DNMBP: variants seen among roughly 807,000 people sequenced by gnomAD.
DNMBP encodes dynamin-binding protein.
A neutral mutation model predicts 150.0 loss-of-function variants in DNMBP; 87 were observed. The observed-to-expected ratio is 0.58, with a 90% confidence interval of 0.49 to 0.69. The LOEUF (loss-of-function observed/expected upper bound fraction) is 0.69. DNMBP is among the 30% of genes least tolerant of loss of function. The pLI, the probability that DNMBP is intolerant of heterozygous loss-of-function variation, is 0.00. For missense variants in DNMBP, 1,774 were observed against 1,949.0 expected (o/e 0.91, Z 1.69); for synonymous variants, 711 against 750.4 (o/e 0.95, Z 0.86).
intron 1 of DNMBP, among the ~76,000 whole-genome samples, chr10:99,986,682 C>T (rs960840019): frequency 2.1e-5 from 3 of 145,302 alleles, no homozygotes; most frequent in Admixed American, 7.0e-5. Context: ...GGACAACAAA[C>T]GCAAGTGAGC....
At chr10:99,958,619 T>A (rs2040525617) in intron 3 of DNMBP, among the ~76,000 whole-genome samples, 1 of 152,228 alleles carries the variant, frequency 6.6e-6, no homozygotes, top group South Asian at 2.1e-4. Context: ...AAAACTTGTA[T>A]CTACTACCAT....
At position 99,879,743 on chromosome 10, in the gene DNMBP, C is replaced by T. The variant is rs917548759; in HGVS notation, c.4548+68G>A. 12 of 1,582,782 alleles carry T rather than the reference C, an allele frequency of 7.6e-6. No homozygotes were observed. In the South Asian group the frequency reaches 1.2e-4, roughly 16 times the overall value. ...CCTCAGGCAAGCCACTTCTGCCTCA[C>T]CCCCGCTGGTACCCACAACACATCT... On this transcript the variant is annotated intron_variant, in intron 16 of 16. Transcript: ENST00000324109.
At chr10:99,890,473 A>G (rs369856885) in intron 11 of DNMBP, among the ~76,000 whole-genome samples, 8 of 152,204 alleles carry the variant, frequency 5.3e-5, no homozygotes, top group African/African-American at 1.9e-4. Context: ...AAAATGTATC[A>G]GTCACTGCTA....
In DNMBP at chr10:99,880,233, G is replaced by T; in HGVS notation, c.4126C>A (p.Arg1376Ser). 6.2e-7 allele frequency: 1 copy of T among 1,614,162 alleles called. No homozygotes were observed. Among genetic ancestry groups the T allele is most frequent in the Non-Finnish European group, 8.5e-7 (1 of 1,180,018 alleles). Residue 1376 changes from arginine to serine, a missense_variant, in exon 16 of 17, where the codon CGC (arginine) becomes AGC (serine). Physicochemically the swap from Arg to Ser is moderately radical, Grantham distance 110 (BLOSUM62 -1). This residue lies in a region of DNMBP where 1,430 missense variants were observed against 1,492.5 expected (regional missense o/e 0.96). Coordinates refer to ENST00000324109, the MANE Select transcript of DNMBP (RefSeq NM_015221.4). ...GTCAGGGTGCTGCCGCTGTTCTGGC[G>T]TGGGAACCTGGGGGAGGAGCTGCCG... ...EHGSSSPRFP[R>S]QNSGSTLTFN...
intron 3 of DNMBP, among the ~76,000 whole-genome samples, chr10:99,965,113 T>C (rs1191595467): frequency 6.6e-6 from 1 of 152,084 alleles, no homozygotes; most frequent in Non-Finnish European, 1.5e-5. Context: ...TTAAGACTAA[T>C]AAGAATAGCT....
Position 99,915,794 on chromosome 10 carries a change from G to C in DNMBP, c.2261-6648C>G, listed in dbSNP as rs2039959292. ...TAGGTATTTTACAAATATTAATTTAGCTTCAAAACACCCTATTATTGTCCC... is the reference window on the plus strand; with the variant it reads ...TAGGTATTTTACAAATATTAATTTACCTTCAAAACACCCTATTATTGTCCC... On this transcript the variant is annotated intron_variant, in intron 4 of 16. Transcript: ENST00000324109. Among the ~76,000 whole-genome samples, 3 of 152,138 alleles carry C rather than the reference G, an allele frequency of 2.0e-5. No homozygotes were observed. In the South Asian group the frequency reaches 6.2e-4, roughly 31 times the overall value.
Position 99,898,156 on chromosome 10 carries a change from T to C in DNMBP, c.2850A>G (p.Leu950=). ...TPESHPDKVP[L]TNAVLAVKEI... ...CCTTGACCGCAAGGACTGCATTGGT[T>C]AAAGGCACTTTATCTGGGTGGGATT... Residue 950 remains leucine, a synonymous_variant, in exon 9 of 17, where the codon TTA becomes TTG. Coordinates refer to ENST00000324109, the MANE Select transcript of DNMBP (RefSeq NM_015221.4). The C allele has an allele frequency of 6.2e-7, 1 of 1,614,194 alleles. No homozygotes were observed. Among genetic ancestry groups the C allele is most frequent in the South Asian group, 1.1e-5 (1 of 91,082 alleles).
intron 3 of DNMBP, among the ~76,000 whole-genome samples, chr10:99,967,761 C>A (rs912581603): frequency 1.3e-5 from 2 of 151,348 alleles, no homozygotes; most frequent in East Asian, 3.9e-4. Flanking sequence ...TGCCAAAGAG[C>A]AAGTAATGAT....
intron 14 of DNMBP, among the ~76,000 whole-genome samples, chr10:99,885,401 T>G (rs1184832222): frequency 6.6e-6 from 1 of 152,066 alleles, no homozygotes; most frequent in African/African-American, 2.4e-5. Context: ...TCCCAGCTAC[T>G]TGGGAGGCTG....
At chr10:99,900,292 AT>A (rs200565652) in intron 6 of DNMBP, among the ~76,000 whole-genome samples, 2 of 151,482 alleles carry the variant, frequency 1.3e-5, no homozygotes, top group African/African-American at 2.4e-5. Context: ...GTATGTATTC[AT>A]TTTTTTTTGA....
intron 1 of DNMBP, among the ~76,000 whole-genome samples, chr10:99,995,881 G>A (rs903327087): frequency 1.3e-5 from 2 of 152,242 alleles, no homozygotes; most frequent in East Asian, 1.9e-4. Flanking sequence ...GTGCTGCCAC[G>A]TCAGGCACAG....
chr10:99,898,717 A>G (rs1564723495), intron 8 of DNMBP, 26 bp downstream of exon 8: 2 of 1,613,116 alleles, frequency 1.2e-6, no homozygotes, highest in Non-Finnish European at 1.7e-6. Context: ...AAATGAGCGC[A>G]TACATCAAGC....
intron 1 of DNMBP, among the ~76,000 whole-genome samples, chr10:99,976,880 G>T (rs2040733489): frequency 6.6e-6 from 1 of 151,764 alleles, no homozygotes; most frequent in Non-Finnish European, 1.5e-5. Context: ...GGCCAAATTA[G>T]ATACTATTTT....
intron 4 of DNMBP, among the ~76,000 whole-genome samples, chr10:99,948,537 T>A (rs2040384299): frequency 6.6e-6 from 1 of 152,178 alleles, no homozygotes; most frequent in African/African-American, 2.4e-5. Flanking sequence ...CACAGTAAGA[T>A]AATCAGACAC....
intron 9 of DNMBP, among the ~76,000 whole-genome samples, chr10:99,897,542 T>G (rs1442602839): frequency 1.3e-5 from 2 of 152,230 alleles, no homozygotes; most frequent in Non-Finnish European, 2.9e-5. Flanking sequence ...TGTCTTCATA[T>G]CTCTTGAGAA....
chr10:99,898,513 G>T, intron 8 of DNMBP: 1 of 660,062 alleles, frequency 1.5e-6, no homozygotes. Flanking sequence ...TGTTCTAGGT[G>T]CTGGGGATTT....
chr10:99,928,085 G>C (rs1376847839), intron 4 of DNMBP: 1 of 152,068 alleles, frequency 6.6e-6, no homozygotes, highest in Non-Finnish European at 1.5e-5. Context: ...AATGCACCTA[G>C]GAAAAAATGA....
intron 1 of DNMBP, among the ~76,000 whole-genome samples, chr10:99,987,741 A>C (rs2040843889): frequency 6.6e-6 from 1 of 152,182 alleles, no homozygotes; most frequent in Admixed American, 6.6e-5. Flanking sequence ...TGTCAAAAAA[A>C]AAAAAAGATG....
intron 9 of DNMBP, 37 bp from the exon 10 acceptor site, chr10:99,896,434 G>A (rs759537948): frequency 3.1e-6 from 5 of 1,611,146 alleles, no homozygotes; most frequent in Admixed American, 1.7e-5. Flanking sequence ...TCCTCAGCAT[G>A]GGCATACTAC....
Sources: gnomAD v4.1 joint callset for allele counts (sites outside exome capture counted in the v4.1 genomes callset) on GRCh38, gnomAD v4.1.1 for gene constraint, gnomAD v4.1.1 regional missense constraint, MANE v1.5 for transcripts, NCBI Gene and HGNC (gene_info 2026-07-23, HGNC 2026-07-21) for gene names.